Variants in NELL1 observed in about 807,000 individuals in gnomAD.
The protein encoded by NELL1 is neural EGFL like 1, also known as protein kinase C-binding protein NELL1.
A neutral mutation model predicts 107.4 loss-of-function variants in NELL1; 76 were observed. The ratio of observed to expected loss-of-function variants is 0.71; its 90% CI spans 0.59 to 0.86. The LOEUF (loss-of-function observed/expected upper bound fraction) is 0.86. Among genes scored for constraint, NELL1 ranks in the 40% least tolerant of loss-of-function variants. NELL1 has a pLI of 0.00. For synonymous variants in NELL1, 353 were observed against 341.2 expected, an observed-to-expected ratio of 1.03 and a Z score of -0.38; for missense variants, 1,024 against 1,005.5, an observed-to-expected ratio of 1.02 and a Z score of -0.25.
At chr11:20,793,521 G>A (rs558753650) in intron 3 of NELL1, among the ~76,000 whole-genome samples, 1 of 151,894 alleles carries the variant, frequency 6.6e-6, no homozygotes, top group Admixed American at 6.6e-5. Context: ...ACCTTATGTT[G>A]GATTATCTTG....
At chr11:21,451,902 G>A (rs1853597035) in intron 15 of NELL1, among the ~76,000 whole-genome samples, 4 of 152,152 alleles carry the variant, frequency 2.6e-5, no homozygotes, top group Non-Finnish European at 5.9e-5. Context: ...ATGGAAGGAT[G>A]AACCTGGGAA....
chr11:21,336,651 GTATATATA>G (rs71034503), intron 14 of NELL1, among the ~76,000 whole-genome samples: 12 of 132,042 alleles, frequency 9.1e-5, no homozygotes, highest in African/African-American at 3.3e-4. Context: ...ATATGTGTGT[GTATATATA>G]TATATATATA....
intron 5 of NELL1, among the ~76,000 whole-genome samples, chr11:20,901,136 A>G (rs544991856): frequency 4.6e-4 from 70 of 152,092 alleles, no homozygotes; most frequent in Non-Finnish European, 9.7e-4. Context: ...ATAAGTAAAA[A>G]TCTTAAGGAT....
At chr11:21,094,342 C>G (rs1170464263) in intron 12 of NELL1, among the ~76,000 whole-genome samples, 1 of 152,198 alleles carries the variant, frequency 6.6e-6, no homozygotes, top group East Asian at 1.9e-4. Flanking sequence ...CTCCAGGCTG[C>G]TTTCACAGGC....
chr11:21,224,804 A>G (rs1028585512), intron 13 of NELL1, among the ~76,000 whole-genome samples: 1 of 152,154 alleles, frequency 6.6e-6, no homozygotes, highest in African/African-American at 2.4e-5. Flanking sequence ...CTTTTGAAGC[A>G]AGGTTTTATT....
At chr11:21,371,311 T>TGTCAAC (rs1179905991) in intron 15 of NELL1, among the ~76,000 whole-genome samples, 1 of 152,118 alleles carries the variant, frequency 6.6e-6, no homozygotes, top group Non-Finnish European at 1.5e-5. Context: ...CAATCTGCTG[T>TGTCAAC]GTCAACGGAA....
intron 13 of NELL1, among the ~76,000 whole-genome samples, chr11:21,162,934 G>A (rs944850402): frequency 6.6e-6 from 1 of 152,150 alleles, no homozygotes; most frequent in Non-Finnish European, 1.5e-5. Flanking sequence ...GATGTTTATA[G>A]TTAGGAAGGG....
chr11:21,341,485 C>T (rs1023117542), intron 14 of NELL1, among the ~76,000 whole-genome samples: 15 of 152,122 alleles, frequency 9.9e-5, no homozygotes, highest in African/African-American at 3.1e-4. Flanking sequence ...AACAAAGCCT[C>T]ATGTTGGTAA....
At chr11:20,874,204 A>G (rs1849260595) in intron 4 of NELL1, among the ~76,000 whole-genome samples, 2 of 152,154 alleles carry the variant, frequency 1.3e-5, no homozygotes, top group South Asian at 4.1e-4. Flanking sequence ...AGTAGCTGGG[A>G]TTATAGGCAC....
intron 2 of NELL1, among the ~76,000 whole-genome samples, chr11:20,749,059 T>A (rs1282246103): frequency 2.0e-5 from 3 of 151,864 alleles, no homozygotes; most frequent in African/African-American, 7.3e-5. Flanking sequence ...TCTACTCTCA[T>A]GGGATTTATA....
At chr11:20,801,114 T>A (rs182521322) in intron 3 of NELL1, among the ~76,000 whole-genome samples, 2 of 152,342 alleles carry the variant, frequency 1.3e-5, no homozygotes, top group African/African-American at 4.8e-5. Context: ...CATAAGGTCA[T>A]GTGTCAATTG....
At chr11:21,325,309 A>C (rs1466268385) in intron 14 of NELL1, among the ~76,000 whole-genome samples, 1 of 152,020 alleles carries the variant, frequency 6.6e-6, no homozygotes, top group Non-Finnish European at 1.5e-5. Context: ...CCTGATTATA[A>C]ATAATGCTTC....
At chr11:21,223,253 T>C (rs1021260893) in intron 13 of NELL1, among the ~76,000 whole-genome samples, 3 of 152,158 alleles carry the variant, frequency 2.0e-5, no homozygotes, top group African/African-American at 7.2e-5. Context: ...CAGTGCTGGA[T>C]GCATGTGTAT....
intron 14 of NELL1, chr11:21,284,392 A>G (rs924418571): frequency 2.2e-6 from 1 of 457,208 alleles, no homozygotes; most frequent in African/African-American, 2.0e-5. Context: ...GCATTGCTGA[A>G]TATGCCTTCC....
chr11:21,136,205 G>C (rs750134277), intron 13 of NELL1, among the ~76,000 whole-genome samples: 2 of 152,236 alleles, frequency 1.3e-5, no homozygotes, highest in South Asian at 2.1e-4. Context: ...TTCATTCAGA[G>C]GGAATACCAA....
At chr11:20,779,406 T>C (rs950244589) in intron 2 of NELL1, among the ~76,000 whole-genome samples, 2 of 152,278 alleles carry the variant, frequency 1.3e-5, no homozygotes, top group Non-Finnish European at 2.9e-5. Flanking sequence ...CACAGGTTTC[T>C]AACTTGCTCT....
intron 14 of NELL1, among the ~76,000 whole-genome samples, chr11:21,277,627 T>G (rs971252997): frequency 6.6e-6 from 1 of 152,214 alleles, no homozygotes; most frequent in Non-Finnish European, 1.5e-5. Flanking sequence ...CTATTCATAA[T>G]AGCAAAAACT....
intron 14 of NELL1, chr11:21,284,207 C>T: frequency 2.2e-6 from 1 of 456,688 alleles, no homozygotes. Flanking sequence ...CACCCTAGAT[C>T]TCTATGCCAG....
At chr11:20,953,725 A>G (rs532777931) in intron 11 of NELL1, among the ~76,000 whole-genome samples, 3 of 152,242 alleles carry the variant, frequency 2.0e-5, no homozygotes, top group East Asian at 3.9e-4. Flanking sequence ...TGCTGCTGTA[A>G]GCATTTGGAA....
Sources: gnomAD v4.1 joint callset for allele counts (sites outside exome capture counted in the v4.1 genomes callset) on GRCh38, gnomAD v4.1.1 for gene constraint, MANE v1.5 for transcripts, NCBI Gene and HGNC (gene_info 2026-07-23, HGNC 2026-07-21) for gene names.